The following BABAM2 variants were observed in gnomAD, a reference collection of about 807,000 sequenced individuals.
The protein encoded by BABAM2 is BRISC and BRCA1-A complex member 2.
Under a neutral mutation model 54.7 loss-of-function variants are expected in BABAM2, and 31 were observed. The observed-to-expected ratio is 0.57, with a 90% CI of 0.43 to 0.77. BABAM2 has a LOEUF of 0.77. Among genes scored for constraint, BABAM2 ranks in the 30% least tolerant of loss-of-function variants. The pLI is 0.00. For synonymous variants in BABAM2, 167 were observed against 162.9 expected, an observed-to-expected ratio of 1.03 and a Z score of -0.19; for missense variants, 364 against 455.8, an observed-to-expected ratio of 0.80 and a Z score of 1.83.
intron 7 of BABAM2, among the ~76,000 whole-genome samples, chr2:28,177,930 G>T (rs1412877658): frequency 6.6e-6 from 1 of 152,016 alleles, no homozygotes; most frequent in East Asian, 1.9e-4. Context: ...AAAAAGATCA[G>T]TTCCACAAGA....
chr2:28,196,834 G>GTTTTTTTTT (rs1316220461), intron 7 of BABAM2, among the ~76,000 whole-genome samples: 1 of 26,400 alleles, frequency 3.8e-5, no homozygotes, highest in Non-Finnish European at 7.9e-5. Flanking sequence ...GTGAGACCCT[G>GTTTTTTTTT]TCTTTTTTTT....
At chr2:28,239,842 C>T (rs1682249892) in intron 8 of BABAM2, among the ~76,000 whole-genome samples, 1 of 152,182 alleles carries the variant, frequency 6.6e-6, no homozygotes, top group Non-Finnish European at 1.5e-5. Flanking sequence ...AGGTTTTCCG[C>T]TGCTTCAGAG....
chr2:27,927,057 T>C (rs1310226882), intron 2 of BABAM2, among the ~76,000 whole-genome samples: 5 of 152,232 alleles, frequency 3.3e-5, no homozygotes, highest in Admixed American at 6.5e-5. Context: ...TATAATTTTG[T>C]ATCCTTTAAC....
intron 11 of BABAM2, among the ~76,000 whole-genome samples, chr2:28,306,912 G>A (rs1688582203): frequency 6.7e-6 from 1 of 148,978 alleles, no homozygotes; most frequent in East Asian, 2.0e-4. Context: ...TGGCCAGACT[G>A]GTCTTGAACT....
rs1419319916 is a variant in BABAM2, at chr2:28,260,394, C to T, written c.934+15532C>T. Among the ~76,000 whole-genome samples the T allele has an allele frequency of 2.6e-4, 39 of 148,456 alleles. 1 individual carries two copies. Among genetic ancestry groups the T allele is most frequent in the African/African-American group, 9.3e-4 (36 of 38,800 alleles). ...TTGGTTCACTGCAACCTCTGCCTCCCGGGTTCAGGTGATTCTCCTGCGTTA... is the reference window on the plus strand; with the variant it reads ...TTGGTTCACTGCAACCTCTGCCTCCTGGGTTCAGGTGATTCTCCTGCGTTA... On this transcript the variant is annotated intron_variant, in intron 10 of 11. Transcript: ENST00000379624.
intron 6 of BABAM2, among the ~76,000 whole-genome samples, chr2:28,097,090 A>G (rs6547828): frequency 0.015 from 2,225 of 152,270 alleles, 44 homozygotes; most frequent in African/African-American, 0.05. Flanking sequence ...GATAATGGCA[A>G]GGGGTTCAAG....
At chr2:28,295,623 G>A (rs112466868) in intron 10 of BABAM2, among the ~76,000 whole-genome samples, 12,526 of 151,998 alleles carry the variant, frequency 0.082, 643 homozygotes, top group African/African-American at 0.14. Flanking sequence ...AGCCTTCTGA[G>A]TAGCTGGGAT....
intron 10 of BABAM2, among the ~76,000 whole-genome samples, chr2:28,261,051 C>G (rs1684463678): frequency 6.7e-6 from 1 of 149,026 alleles, no homozygotes; most frequent in African/African-American, 2.5e-5. Flanking sequence ...AAGCGATTCT[C>G]CTGCCTCAGC....
At chr2:28,112,150 C>T (rs1443230860) in intron 6 of BABAM2, among the ~76,000 whole-genome samples, 22 of 1,880 alleles carry the variant, frequency 0.012, 4 homozygotes, top group African/African-American at 0.045. Context: ...TCTTTCTTTA[C>T]CTCCCTCCCT....
chr2:27,912,094 T>C (rs1235680737), intron 2 of BABAM2, among the ~76,000 whole-genome samples: 1 of 152,084 alleles, frequency 6.6e-6, no homozygotes, highest in African/African-American at 2.4e-5. Context: ...GGAGTCTCAG[T>C]CTCCCACCTT....
Position 28,169,353 on chromosome 2 carries a change from T to G in BABAM2, c.680+39973T>G, listed in dbSNP as rs187285956. 8.5e-5 allele frequency among the ~76,000 whole-genome samples: 13 copies of G among 152,368 alleles called. No individual in the cohort carries two copies. In the East Asian group the frequency reaches 2.5e-3, roughly 29 times the overall value. ...TTTAACAATATGTGTTAAAAACCTTTAATACTTTCATACCTGTTGCTCTAG... is the reference window on the plus strand; with the variant it reads ...TTTAACAATATGTGTTAAAAACCTTGAATACTTTCATACCTGTTGCTCTAG... On this transcript the variant is annotated intron_variant, in intron 7 of 11. Transcript: ENST00000379624.
intron 3 of BABAM2, among the ~76,000 whole-genome samples, chr2:27,942,509 C>T (rs1277060683): frequency 6.6e-6 from 1 of 151,534 alleles, no homozygotes; most frequent in Non-Finnish European, 1.5e-5. Context: ...TACAGGTGCA[C>T]ACCACCACAC....
chr2:28,002,060 TA>T (rs5830060), intron 4 of BABAM2, among the ~76,000 whole-genome samples: 38,177 of 139,960 alleles, frequency 0.27, 5,517 homozygotes, highest in East Asian at 0.61. Context: ...ATCAAACAGG[TA>T]AAAAAAAAAA....
At chr2:28,242,787 C>T (rs910904576) in intron 9 of BABAM2, among the ~76,000 whole-genome samples, 4 of 151,874 alleles carry the variant, frequency 2.6e-5, no homozygotes, top group South Asian at 2.1e-4. Context: ...TTCATTTCTC[C>T]GAAATAGAAG....
At chr2:28,320,377 A>T (rs1481869689) in intron 11 of BABAM2, among the ~76,000 whole-genome samples, 2 of 152,240 alleles carry the variant, frequency 1.3e-5, no homozygotes, top group Non-Finnish European at 2.9e-5. Context: ...CTTCTCTGTG[A>T]CCTAGAAGGA....
chr2:28,198,933 A>G (rs1354321247), intron 7 of BABAM2, among the ~76,000 whole-genome samples: 4 of 152,052 alleles, frequency 2.6e-5, no homozygotes, highest in African/African-American at 4.8e-5. Context: ...CCTGTAAAAA[A>G]CCTAAAGCAG....
intron 5 of BABAM2, among the ~76,000 whole-genome samples, chr2:28,029,651 A>G (rs187784845): frequency 6.4e-4 from 97 of 152,290 alleles, no homozygotes; most frequent in Non-Finnish European, 4.6e-4. Flanking sequence ...GAATCATGCT[A>G]CATTGAACAT....
intron 6 of BABAM2, among the ~76,000 whole-genome samples, chr2:28,060,191 G>C (rs1380975353): frequency 6.6e-6 from 1 of 152,114 alleles, no homozygotes; most frequent in Non-Finnish European, 1.5e-5. Flanking sequence ...AAGGTAGGCT[G>C]AATATTCAAA....
At chr2:28,020,801 C>T (rs928936146) in intron 4 of BABAM2, among the ~76,000 whole-genome samples, 1 of 152,024 alleles carries the variant, frequency 6.6e-6, no homozygotes, top group African/African-American at 2.4e-5. Flanking sequence ...AGATTGTTTG[C>T]AGTTTCATGA....
Sources: gnomAD v4.1 joint callset for allele counts (sites outside exome capture counted in the v4.1 genomes callset) on GRCh38, gnomAD v4.1.1 for gene constraint, MANE v1.5 for transcripts, NCBI Gene and HGNC (gene_info 2026-07-23, HGNC 2026-07-21) for gene names.